FAM149B1: variants seen among roughly 807,000 people sequenced by gnomAD.
The protein encoded by FAM149B1 is primary cilium assembly protein FAM149B1.
FAM149B1 carries 56 observed loss-of-function variants against 75.3 expected under a neutral mutation model. That is an observed-to-expected ratio of 0.74 (90% confidence interval 0.60 to 0.93). FAM149B1 has a LOEUF of 0.93. Among genes scored for constraint, FAM149B1 ranks in the 40% least tolerant of loss-of-function variants. The pLI is 0.00. For missense variants in FAM149B1, 639 were observed against 708.4 expected (o/e 0.90, Z 1.11); for synonymous variants, 259 against 256.1 (o/e 1.01, Z -0.11).
At chr10:73,231,925 TAAA>T (rs10693492) in intron 9 of FAM149B1, among the ~76,000 whole-genome samples, 1 of 141,994 alleles carries the variant, frequency 7.0e-6, no homozygotes, top group Non-Finnish European at 1.6e-5. Context: ...TAGGGTGTGT[TAAA>T]AAAAAAAAAA....
chr10:73,176,881 G>A (rs1223342112), intron 2 of FAM149B1, among the ~76,000 whole-genome samples: 1 of 152,056 alleles, frequency 6.6e-6, no homozygotes, highest in Non-Finnish European at 1.5e-5. Flanking sequence ...ACAAAAATTG[G>A]CTGGGGGTGG....
At chr10:73,172,175 C>T (rs1843745101) in intron 1 of FAM149B1, among the ~76,000 whole-genome samples, 1 of 152,090 alleles carries the variant, frequency 6.6e-6, no homozygotes, top group South Asian at 2.1e-4. Context: ...ATTTGTATTT[C>T]TTATCCTTTC....
intron 7 of FAM149B1, among the ~76,000 whole-genome samples, chr10:73,216,289 A>G (rs1456837838): frequency 6.6e-6 from 1 of 151,720 alleles, no homozygotes; most frequent in Non-Finnish European, 1.5e-5. Flanking sequence ...TTGTGTCTTT[A>G]TGGGTAAGAT....
chr10:73,192,740 TA>T, intron 4 of FAM149B1, 42 bp downstream of exon 4: 1 of 1,455,664 alleles, frequency 6.9e-7, no homozygotes, highest in Non-Finnish European at 9.1e-7. Flanking sequence ...TGGCTAATAC[TA>T]AAATTTAAAA....
chr10:73,190,303 A>AT (rs1194749004), intron 3 of FAM149B1, among the ~76,000 whole-genome samples: 2 of 151,556 alleles, frequency 1.3e-5, no homozygotes, highest in South Asian at 4.2e-4. Flanking sequence ...GTGAAAGACA[A>AT]TTTTTTTAGA....
intron 5 of FAM149B1, among the ~76,000 whole-genome samples, chr10:73,207,876 G>A (rs1453673164): frequency 2.0e-5 from 3 of 152,248 alleles, no homozygotes; most frequent in Non-Finnish European, 4.4e-5. Flanking sequence ...GCTCATAGCT[G>A]GAAGGGATGT....
intron 9 of FAM149B1, 136 bp downstream of exon 9, chr10:73,230,661 G>A: frequency 1.7e-6 from 1 of 600,146 alleles, no homozygotes; most frequent in Non-Finnish European, 3.0e-6. Context: ...ACATCCAAGG[G>A]ACATGGTCTC....
intron 12 of FAM149B1, 24 bp downstream of exon 12, chr10:73,235,342 T>C (rs1271399137): frequency 2.6e-6 from 4 of 1,550,826 alleles, no homozygotes; most frequent in Non-Finnish European, 3.5e-6. Context: ...CTTCCTAGAA[T>C]GGTCTTGATA....
At chr10:73,227,202 C>T (rs1457604189) in intron 7 of FAM149B1, among the ~76,000 whole-genome samples, 1 of 152,168 alleles carries the variant, frequency 6.6e-6, no homozygotes, top group Non-Finnish European at 1.5e-5. Context: ...GTCCTCCCAC[C>T]TCAGCCTCCC....
At chr10:73,203,216 C>G (rs2394934) in intron 5 of FAM149B1, among the ~76,000 whole-genome samples, 23,440 of 152,084 alleles carry the variant, frequency 0.15, 2,967 homozygotes, top group African/African-American at 0.32. Flanking sequence ...AAATGGTATC[C>G]CTTGCAGTCA....
At chr10:73,172,954 A>G (rs1307110412) in intron 1 of FAM149B1, among the ~76,000 whole-genome samples, 1 of 149,958 alleles carries the variant, frequency 6.7e-6, no homozygotes, top group Non-Finnish European at 1.5e-5. Flanking sequence ...AAAAAAAAAA[A>G]TTAAAGATTA....
At chr10:73,203,547 A>T (rs1386425506) in intron 5 of FAM149B1, among the ~76,000 whole-genome samples, 3 of 152,284 alleles carry the variant, frequency 2.0e-5, no homozygotes, top group East Asian at 3.9e-4. Context: ...TTGCATGAAT[A>T]TATCACTATT....
chr10:73,183,435 A>G (rs2042447750), intron 3 of FAM149B1: 2 of 152,234 alleles, frequency 1.3e-5, no homozygotes, highest in African/African-American at 4.8e-5. Flanking sequence ...CAGTTCTCAC[A>G]CAGAGAAAGC....
intron 4 of FAM149B1, among the ~76,000 whole-genome samples, chr10:73,193,045 A>G (rs1441879598): frequency 6.6e-6 from 1 of 152,224 alleles, no homozygotes. Context: ...GAAACCAGAC[A>G]TAGGCTATTC....
chr10:73,206,125 A>G (rs1351383351), intron 5 of FAM149B1, among the ~76,000 whole-genome samples: 1 of 152,264 alleles, frequency 6.6e-6, no homozygotes, highest in African/African-American at 2.4e-5. Flanking sequence ...TGAGGAACTT[A>G]CTGGGAACTG....
chr10:73,227,933 T>G, intron 7 of FAM149B1, 127 bp from the exon 8 acceptor site: 1 of 1,013,668 alleles, frequency 9.9e-7, no homozygotes. Flanking sequence ...TGGCATAAAA[T>G]TGTACTGCAA....
chr10:73,172,758 G>T (rs958713084), intron 1 of FAM149B1, among the ~76,000 whole-genome samples: 7 of 151,990 alleles, frequency 4.6e-5, no homozygotes, highest in African/African-American at 1.7e-4. Context: ...ATACAAATAT[G>T]ATATAAGCCA....
At chr10:73,199,187 G>C (rs1009250358) in intron 5 of FAM149B1, among the ~76,000 whole-genome samples, 2 of 141,490 alleles carry the variant, frequency 1.4e-5, no homozygotes, top group Non-Finnish European at 3.1e-5. Flanking sequence ...TAAGATAACT[G>C]TTATCCTTTT....
At chr10:73,174,568 A>AC in intron 1 of FAM149B1, 119 bp from the exon 2 acceptor site, 1 of 633,440 alleles carries the variant, frequency 1.6e-6, no homozygotes, top group Non-Finnish European at 2.7e-6. Context: ...ACTGGTGGCT[A>AC]CCATATCAGA....
Sources: allele counts gnomAD v4.1 joint callset (sites outside exome capture counted in the v4.1 genomes callset), GRCh38; gene constraint gnomAD v4.1.1; transcripts MANE v1.5; gene names NCBI Gene and HGNC (gene_info 2026-07-23, HGNC 2026-07-21).